Variants in HOOK1 observed in about 807,000 individuals in gnomAD.
HOOK1 encodes hook microtubule tethering protein 1.
HOOK1 carries 60 observed loss-of-function variants against 112.8 expected under a neutral mutation model. The observed-to-expected ratio is 0.53, with a 90% CI of 0.43 to 0.66. HOOK1 has a LOEUF of 0.66. HOOK1 is among the 30% of genes least tolerant of loss of function. HOOK1 has a pLI of 0.00. For missense variants in HOOK1, 770 were observed against 856.0 expected (o/e 0.90, Z 1.25); for synonymous variants, 294 against 283.8 (o/e 1.04, Z -0.36).
Position 59,865,899 on chromosome 1 carries a change from C to T in HOOK1, c.1772C>T (p.Ala591Val). The T allele has an allele frequency of 6.3e-7, 1 of 1,587,934 alleles. No individual in the cohort carries two copies. The highest frequency in any genetic ancestry group is 1.4e-5 in the African/African-American group (1 of 73,674). ...NVQKINELEA[A>V]LQKKDEDMKA... is the part of the protein sequence containing the mutation. ...CAAAAGATCAATGAACTTGAAGCTG[C>T]TCTTCAGAAGAAAGATGAAGATATG... The change falls in exon 19 of 22, where the codon GCT (alanine) becomes GTT (valine). Residue 591 changes from alanine to valine, a missense_variant. By Grantham distance (64) the Ala-to-Val change is moderately conservative. Transcript: ENST00000371208.
At chr1:59,863,000 C>T (rs1464182149) in intron 16 of HOOK1, 123 bp downstream of exon 16, 8 of 546,062 alleles carry the variant, frequency 1.5e-5, no homozygotes, top group South Asian at 1.4e-4. Context: ...CCTTAAATAC[C>T]GTATATATCT....
At chr1:59,860,469 C>CTT in intron 15 of HOOK1, 141 bp downstream of exon 15, 2 of 631,434 alleles carry the variant, frequency 3.2e-6, no homozygotes, top group South Asian at 6.9e-5. Context: ...TGTTAGTAGT[C>CTT]TTTCATCACT....
At chr1:59,840,644 G>C (rs1445481050) in intron 8 of HOOK1, among the ~76,000 whole-genome samples, 1 of 151,952 alleles carries the variant, frequency 6.6e-6, no homozygotes, top group Admixed American at 6.6e-5. Flanking sequence ...CAATTATTTA[G>C]ATAAGAACTC....
chr1:59,814,979 T>A lies in HOOK1; in HGVS notation c.-139T>A. 1 of 803,186 alleles carries A rather than the reference T, an allele frequency of 1.2e-6. No individual in the cohort carries two copies. The highest frequency in any genetic ancestry group is 1.7e-5 in the South Asian group (1 of 59,482). 49.8% of individuals were successfully genotyped at this position (803,186 alleles called of 1,614,324 possible). ...GCCGGACGCGTCGACAGCGCGAGGG[T>A]TCGCGCGTGAGCTGCGCGGGTCGGG... On this transcript the variant is annotated 5_prime_UTR_variant, in exon 1 of 22. Coordinates refer to ENST00000371208, the MANE Select transcript of HOOK1 (RefSeq NM_015888.6).
intron 16 of HOOK1, 149 bp downstream of exon 16, chr1:59,863,026 T>C (rs2098414418): frequency 4.4e-6 from 2 of 453,514 alleles, no homozygotes; most frequent in Non-Finnish European, 8.1e-6. Flanking sequence ...ATAGATGCAG[T>C]GATTTTGCCA....
chr1:59,840,398 GA>G lies in HOOK1; in HGVS notation c.621+13del. On this transcript the variant is annotated splice_region_variant and intron_variant, in intron 8 of 21. Coordinates refer to ENST00000371208, the MANE Select transcript of HOOK1 (RefSeq NM_015888.6). ...TGAAGAATTGGATATGCAGGTACGG[GA>G]AAAAACCCTGAGCTGAGAAAAACTT... 5 of 1,541,646 alleles carry G rather than the reference GA, an allele frequency of 3.2e-6. No homozygotes were observed. The highest frequency in any genetic ancestry group is 4.2e-5 in the Admixed American group (2 of 48,016).
At chr1:59,832,844 T>G (rs1380888515) in intron 4 of HOOK1, among the ~76,000 whole-genome samples, 1 of 152,112 alleles carries the variant, frequency 6.6e-6, no homozygotes, top group Non-Finnish European at 1.5e-5. Flanking sequence ...CCCAAAATGT[T>G]TAATATTCTC....
Position 59,858,848 on chromosome 1 carries a change from C to T in HOOK1, c.1331-137C>T, listed in dbSNP as rs565108305. ...GAGGAGGGAGGGGAGGGGAGGGGAG[C>T]GGGGAATTGGGTTTTTGGACAGAGA... On this transcript the variant is annotated intron_variant, in intron 13 of 21. Transcript: ENST00000371208. 57 of 400,896 alleles carry T rather than the reference C, an allele frequency of 1.4e-4. No individual in the cohort carries two copies. The African/African-American group carries it at 1.5e-3, about 10-fold the overall frequency. The allele number at this position is 400,896 out of a possible 1,614,324, so 24.8% of individuals were successfully genotyped here.
Position 59,815,191 on chromosome 1 carries a change from G to A in HOOK1, c.63+11G>A. ...AGCCTCATGATCTGGGTGAGTGCGA[G>A]GAGGCGAGAGGGCGAGGGGGCCAGG... On this transcript the variant is annotated intron_variant, in intron 1 of 21. Transcript: ENST00000371208. The A allele has an allele frequency of 3.9e-6, 6 of 1,542,638 alleles. No individual in the cohort carries two copies. Among genetic ancestry groups the A allele is most frequent in the Non-Finnish European group, 5.2e-6 (6 of 1,146,230 alleles).
At chr1:59,848,898 T>C (rs763698783) in intron 11 of HOOK1, among the ~76,000 whole-genome samples, 175 bp from the exon 12 acceptor site, 1 of 151,638 alleles carries the variant, frequency 6.6e-6, no homozygotes, top group Non-Finnish European at 1.5e-5. Context: ...ATTTTTAGTT[T>C]TATGTTAATT....
intron 2 of HOOK1, among the ~76,000 whole-genome samples, chr1:59,827,503 T>C (rs2098390847): frequency 6.6e-6 from 1 of 152,196 alleles, no homozygotes; most frequent in Non-Finnish European, 1.5e-5. Context: ...ATTAACTCGA[T>C]TCATTCAGTC....
At chr1:59,832,676 G>GT (rs2098394854) in intron 4 of HOOK1, among the ~76,000 whole-genome samples, 1 of 152,100 alleles carries the variant, frequency 6.6e-6, no homozygotes, top group East Asian at 1.9e-4. Context: ...AAATAGTTTT[G>GT]TTTTTTCTTA....
intron 3 of HOOK1, among the ~76,000 whole-genome samples, chr1:59,830,161 C>T (rs1456435770): frequency 6.6e-6 from 1 of 151,986 alleles, no homozygotes; most frequent in Admixed American, 6.6e-5. Context: ...ATGAAAACAG[C>T]ATGCATTCTA....
intron 20 of HOOK1, among the ~76,000 whole-genome samples, chr1:59,868,950 ATTTTTATGAGCC>A (rs1448155322): frequency 6.6e-6 from 1 of 152,166 alleles, no homozygotes; most frequent in Non-Finnish European, 1.5e-5. Flanking sequence ...TGGTTATATT[ATTTTTATGAGCC>A]TTAGGTAAGT....
intron 8 of HOOK1, among the ~76,000 whole-genome samples, chr1:59,842,893 A>G (rs1489429487): frequency 6.6e-6 from 1 of 152,102 alleles, no homozygotes; most frequent in African/African-American, 2.4e-5. Flanking sequence ...GTTTTAAATC[A>G]TAAGCAAATA....
intron 1 of HOOK1, among the ~76,000 whole-genome samples, chr1:59,819,545 A>G (rs980215532): frequency 6.6e-6 from 1 of 152,178 alleles, no homozygotes; most frequent in Non-Finnish European, 1.5e-5. Context: ...TTTATTTTGC[A>G]GCTATTTTAA....
chr1:59,865,302 T>A (rs1643942705), intron 18 of HOOK1, 57 bp downstream of exon 18: 1 of 1,020,878 alleles, frequency 9.8e-7, no homozygotes, highest in African/African-American at 1.6e-5. Flanking sequence ...CTTACCCTTT[T>A]TTATTGAAGG....
At chr1:59,840,146 T>C (rs2098400288) in intron 7 of HOOK1, among the ~76,000 whole-genome samples, 162 bp from the exon 8 acceptor site, 1 of 152,194 alleles carries the variant, frequency 6.6e-6, no homozygotes, top group African/African-American at 2.4e-5. Flanking sequence ...TGGCCTAAAA[T>C]TCTCTTTTTT....
At chr1:59,851,338 G>C (rs2098407046) in intron 12 of HOOK1, among the ~76,000 whole-genome samples, 2 of 151,576 alleles carry the variant, frequency 1.3e-5, no homozygotes, top group Non-Finnish European at 3.0e-5. Flanking sequence ...TAGATCTTAA[G>C]TGTCTTTCAA....
Sources: gnomAD v4.1 joint callset for allele counts (sites outside exome capture counted in the v4.1 genomes callset) on GRCh38, gnomAD v4.1.1 for gene constraint, MANE v1.5 for transcripts, NCBI Gene and HGNC (gene_info 2026-07-23, HGNC 2026-07-21) for gene names.